Variants in SAFB observed in about 807,000 individuals in gnomAD.
SAFB encodes the protein scaffold attachment factor B1.
SAFB carries 15 observed loss-of-function variants against 101.6 expected under a neutral mutation model. That is an observed-to-expected ratio of 0.15 (90% CI 0.10 to 0.23). The LOEUF (loss-of-function observed/expected upper bound fraction) is 0.23. Ranked by LOEUF, SAFB falls within the 10% of genes least tolerant of loss-of-function variation. SAFB has a pLI of 1.00. For missense variants in SAFB, 930 were observed against 1,104.1 expected, an observed-to-expected ratio of 0.84 and a Z score of 2.23; for synonymous variants, 449 against 407.5, an observed-to-expected ratio of 1.10 and a Z score of -1.23.
intron 5 of SAFB, among the ~76,000 whole-genome samples, chr19:5,647,411 C>G (rs1243277597): frequency 2.6e-5 from 4 of 152,150 alleles, no homozygotes; most frequent in Non-Finnish European, 2.9e-5. Flanking sequence ...CAACCAGATG[C>G]CACAGTAGGC....
intron 4 of SAFB, among the ~76,000 whole-genome samples, chr19:5,644,807 C>T (rs2053792159): frequency 6.6e-6 from 1 of 152,200 alleles, no homozygotes; most frequent in South Asian, 2.1e-4. Flanking sequence ...CTATTCTTCC[C>T]CTGCAAGTAG....
intron 13 of SAFB, among the ~76,000 whole-genome samples, chr19:5,655,733 AAT>A (rs1402955586): frequency 6.6e-6 from 1 of 152,170 alleles, no homozygotes; most frequent in Non-Finnish European, 1.5e-5. Flanking sequence ...CCAGTATTAT[AAT>A]ATGTCATAGC....
At chr19:5,650,915 T>G (rs1291263123) in intron 8 of SAFB, 63 bp from the exon 9 acceptor site, 5 of 1,050,202 alleles carry the variant, frequency 4.8e-6, no homozygotes, top group Admixed American at 2.2e-5. Flanking sequence ...TTGGAAAGGT[T>G]GTCTCTAAGA....
At chr19:5,630,220 C>T (rs986746045) in intron 2 of SAFB, among the ~76,000 whole-genome samples, 8 of 152,140 alleles carry the variant, frequency 5.3e-5, no homozygotes, top group African/African-American at 1.4e-4. Flanking sequence ...GTGAGATTTT[C>T]GTTTGCATTT....
In SAFB at chr19:5,626,415, A is replaced by G. The variant is rs1185433579; in HGVS notation, c.200A>G (p.Asp67Gly). The stretch of plus-strand genomic sequence containing the variant: ...TTCCCTTCTTTTTAGGCAATTGAAG[A>G]TGAAGGTGGTAATCCTGACGAAATT... Reference protein sequence around the residue: ...LMERLKKAIEDEGGNPDEIEI... With the variant: ...LMERLKKAIEGEGGNPDEIEI... Residue 67 changes from aspartate to glycine, a missense_variant, in exon 2 of 21, where the codon GAT becomes GGT. Coordinates refer to ENST00000588852, the MANE Select transcript of SAFB (RefSeq NM_001201338.2). 4.4e-6 allele frequency: 7 copies of G among 1,602,532 alleles called. No homozygotes were observed. Among genetic ancestry groups the G allele is most frequent in the Admixed American group, 3.3e-5 (2 of 59,946 alleles).
Position 5,654,430 on chromosome 19 carries a change from G to A in SAFB, c.1729G>A (p.Val577Ile), listed in dbSNP as rs373052829. 1 of 1,599,078 alleles carries A rather than the reference G, an allele frequency of 6.3e-7. No individual in the cohort carries two copies. The highest frequency in any genetic ancestry group is 8.6e-7 in the Non-Finnish European group (1 of 1,169,504). Residue 577 changes from valine (V) to isoleucine (I), a missense_variant, in exon 13 of 21, where the codon GTA becomes ATA. Around this residue, in one of 7 missense-constraint regions of SAFB, gnomAD observed 159 missense variants for 234.1 expected, o/e 0.68. Coordinates refer to ENST00000588852, the MANE Select transcript of SAFB (RefSeq NM_001201338.2). The stretch of plus-strand genomic sequence containing the variant: ...ATCCAAAGGGGTGCCTGTGATTAGT[G>A]TAAAAACGTCCGGGTCCAAAGAGAG... Reference protein sequence around the residue: ...DKSKGVPVISVKTSGSKERAS... With the variant: ...DKSKGVPVISIKTSGSKERAS...
chr19:5,647,217 G>A (rs2053844654), intron 5 of SAFB, among the ~76,000 whole-genome samples: 1 of 152,210 alleles, frequency 6.6e-6, no homozygotes, highest in South Asian at 2.1e-4. Context: ...AAGCCTTCCT[G>A]AAAGGAGATG....
intron 2 of SAFB, among the ~76,000 whole-genome samples, chr19:5,628,168 C>T (rs930056297): frequency 6.6e-6 from 1 of 151,936 alleles, no homozygotes; most frequent in Admixed American, 6.6e-5. Context: ...GGAGAATTGC[C>T]TGAACCCAGG....
At chr19:5,626,272 A>G in intron 1 of SAFB, 133 bp from the exon 2 acceptor site, 1 of 621,946 alleles carries the variant, frequency 1.6e-6, no homozygotes, top group South Asian at 1.9e-5. Context: ...TGGATGGGCC[A>G]CAGGTCCTGG....
chr19:5,624,132 GTCTC>G (rs2053278703), intron 1 of SAFB: 2 of 151,722 alleles, frequency 1.3e-5, no homozygotes, highest in Non-Finnish European at 2.9e-5. Flanking sequence ...AGCTCCGTCA[GTCTC>G]TCTGGACTTG....
chr19:5,662,329 C>T (rs2054231524), intron 15 of SAFB, among the ~76,000 whole-genome samples: 1 of 152,014 alleles, frequency 6.6e-6, no homozygotes, highest in Admixed American at 6.5e-5. Context: ...AGAACCCCGT[C>T]TCTACTAAAA....
chr19:5,662,743 C>T (rs921203678), intron 15 of SAFB, among the ~76,000 whole-genome samples: 1 of 150,012 alleles, frequency 6.7e-6, no homozygotes. Context: ...TGGGTTCAAG[C>T]GATTCTCCTG....
At chr19:5,664,358 C>G in intron 16 of SAFB, 39 bp from the exon 17 acceptor site, 1 of 1,587,122 alleles carries the variant, frequency 6.3e-7, no homozygotes, top group Non-Finnish European at 8.7e-7. Flanking sequence ...GAACAAGCCT[C>G]TTCTTCCCCT....
intron 5 of SAFB, among the ~76,000 whole-genome samples, chr19:5,647,270 C>T (rs762779782): frequency 4.6e-5 from 7 of 152,040 alleles, no homozygotes; most frequent in South Asian, 2.1e-4. Flanking sequence ...CTTGGCTGGA[C>T]GGGGCAGGGG....
chr19:5,638,097 T>A (rs1010794997), intron 2 of SAFB, among the ~76,000 whole-genome samples: 1 of 152,250 alleles, frequency 6.6e-6, no homozygotes, highest in Non-Finnish European at 1.5e-5. Context: ...AATGACTATA[T>A]AAATACTGCT....
rs1005995889 is a variant in SAFB, at chr19:5,634,910, G to T, written c.275-6684G>T. 8.5e-5 allele frequency among the ~76,000 whole-genome samples: 13 copies of T among 152,058 alleles called. No homozygotes were observed. The East Asian group carries it at 2.5e-3, about 29-fold the overall frequency. ...CCTAGCACTTTGGGAGGCTGAGGTG[G>T]GCGGGTCACTCTAGGTAAAGAGTTT... is the stretch of plus-strand genomic sequence containing the variant. On this transcript the variant is annotated intron_variant, in intron 2 of 20. Coordinates refer to ENST00000588852, the MANE Select transcript of SAFB (RefSeq NM_001201338.2).
At chr19:5,664,601 G>A (rs1538012) in intron 17 of SAFB, 162 bp downstream of exon 17, 12,600 of 620,746 alleles carry the variant, frequency 0.02, 200 homozygotes, top group Middle Eastern at 0.027. Context: ...GGAAATTTGG[G>A]ATTATTTGGG....
intron 4 of SAFB, among the ~76,000 whole-genome samples, chr19:5,644,394 C>T (rs1006649678): frequency 1.3e-5 from 2 of 152,226 alleles, no homozygotes; most frequent in Non-Finnish European, 2.9e-5. Context: ...CAAACAATCT[C>T]CAAAAGAGAA....
intron 2 of SAFB, among the ~76,000 whole-genome samples, chr19:5,631,884 A>G (rs1271182628): frequency 6.6e-6 from 1 of 152,056 alleles, no homozygotes; most frequent in African/African-American, 2.4e-5. Flanking sequence ...CATCTCTCCA[A>G]AAAATTAGAA....
Sources: gnomAD v4.1 joint callset for allele counts (sites outside exome capture counted in the v4.1 genomes callset) on GRCh38, gnomAD v4.1.1 for gene constraint, gnomAD v4.1.1 regional missense constraint, MANE v1.5 for transcripts, NCBI Gene and HGNC (gene_info 2026-07-23, HGNC 2026-07-21) for gene names.